MTMR14: variants seen among roughly 807,000 people sequenced by gnomAD.
MTMR14 encodes phosphatidylinositol-3,5-bisphosphate 3-phosphatase MTMR14.
Under a neutral mutation model 86.3 loss-of-function variants are expected in MTMR14, and 48 were observed. The ratio of observed to expected loss-of-function variants is 0.56; its 90% confidence interval spans 0.44 to 0.71. The LOEUF is 0.71. Among genes scored for constraint, MTMR14 ranks in the 30% least tolerant of loss-of-function variants. The probability of loss-of-function intolerance (pLI) is 0.00; values close to 1 mark genes in which losing one functional copy is unlikely to be tolerated. For missense variants in MTMR14, 780 were observed against 834.6 expected (o/e 0.93, Z 0.81); for synonymous variants, 366 against 326.1 (o/e 1.12, Z -1.32).
chr3:9,675,611 C>G (rs896611893), intron 7 of MTMR14: 1 of 457,422 alleles, frequency 2.2e-6, no homozygotes, highest in African/African-American at 2.0e-5. Flanking sequence ...GTGAATGGCA[C>G]TTCTCATCCT....
chr3:9,690,023 A>G lies in MTMR14; in HGVS notation c.1493A>G (p.Glu498Gly). 6.2e-7 allele frequency: 1 copy of G among 1,612,496 alleles called. No homozygotes were observed. The highest frequency in any genetic ancestry group is 1.1e-5 in the South Asian group (1 of 90,910). ...CTCTGGAACCGGCCACAACCCTCAG[A>G]GGACCGCTTGCCTTCCCAGCAGGGG... ...SVLWNRPQPS[E>G]DRLPSQQGLA... is the part of the protein sequence containing the mutation. The change falls in exon 17 of 19, where the codon GAG becomes GGG. Residue 498 changes from glutamate to glycine, a missense_variant. Glu to Gly is a moderately conservative substitution (Grantham distance 98, BLOSUM62 -2). Coordinates refer to ENST00000296003, the MANE Select transcript of MTMR14 (RefSeq NM_001077525.3).
intron 18 of MTMR14, chr3:9,699,522 T>A (rs149769937): frequency 6.6e-6 from 1 of 152,226 alleles, no homozygotes; most frequent in Non-Finnish European, 1.5e-5. Context: ...GGCTTTGTTA[T>A]CAGAAAAACT....
At chr3:9,686,127 G>A (rs566985094) in intron 13 of MTMR14, among the ~76,000 whole-genome samples, 7 of 152,022 alleles carry the variant, frequency 4.6e-5, no homozygotes, top group East Asian at 3.9e-4. Context: ...TTGTTCCTCC[G>A]TCTCAGCTGC....
At chr3:9,690,469 T>G (rs2076104515) in intron 17 of MTMR14, among the ~76,000 whole-genome samples, 1 of 152,222 alleles carries the variant, frequency 6.6e-6, no homozygotes, top group African/African-American at 2.4e-5. Context: ...CCATTGTGAT[T>G]GAAGAGATAG....
At chr3:9,687,344 A>C (rs773684208) in intron 13 of MTMR14, among the ~76,000 whole-genome samples, 1 of 152,078 alleles carries the variant, frequency 6.6e-6, no homozygotes, top group South Asian at 2.1e-4. Context: ...TCATGAGGTC[A>C]GGATATTGAG....
rs190452491 is a variant in MTMR14, at chr3:9,654,788, C to T, written c.308+1019C>T. Reference sequence around the variant, plus strand: ...CTTGTTAGAAACGCAGAAGCTCATGCTCCAGAGCCACTGAGCCAGAATCAC... The same window carrying T: ...CTTGTTAGAAACGCAGAAGCTCATGTTCCAGAGCCACTGAGCCAGAATCAC... On this transcript the variant is annotated intron_variant, in intron 2 of 18. Coordinates refer to ENST00000296003, the MANE Select transcript of MTMR14 (RefSeq NM_001077525.3). 2.1e-3 allele frequency among the ~76,000 whole-genome samples: 315 copies of T among 152,374 alleles called. 1 individual carries two copies. Among genetic ancestry groups the T allele is most frequent in the Non-Finnish European group, 3.3e-3 (226 of 68,034 alleles).
chr3:9,676,736 G>A (rs534353334), intron 7 of MTMR14, among the ~76,000 whole-genome samples: 2 of 152,312 alleles, frequency 1.3e-5, no homozygotes, highest in African/African-American at 2.4e-5. Context: ...AGTTACTTAT[G>A]ATTTTTCCAC....
intron 2 of MTMR14, among the ~76,000 whole-genome samples, chr3:9,657,798 C>T (rs1407461767): frequency 1.3e-5 from 2 of 152,166 alleles, no homozygotes; most frequent in Non-Finnish European, 2.9e-5. Context: ...ATCCACTGGT[C>T]TCGGCCTCCC....
intron 2 of MTMR14, among the ~76,000 whole-genome samples, chr3:9,654,514 T>C (rs1462000501): frequency 1.3e-5 from 2 of 152,196 alleles, no homozygotes; most frequent in Non-Finnish European, 2.9e-5. Context: ...GTAAATGGTA[T>C]AGTTATTTGA....
chr3:9,668,869 A>G (rs1339628820), intron 4 of MTMR14, 75 bp downstream of exon 4: 7 of 1,472,314 alleles, frequency 4.8e-6, no homozygotes, highest in Non-Finnish European at 5.7e-6. Context: ...GCCGGGCGCC[A>G]TGCCTCACGC....
At chr3:9,654,291 C>T (rs979355521) in intron 2 of MTMR14, among the ~76,000 whole-genome samples, 1 of 152,118 alleles carries the variant, frequency 6.6e-6, no homozygotes, top group Non-Finnish European at 1.5e-5. Context: ...TTAATTAGTC[C>T]TTTTAAGGAC....
intron 9 of MTMR14, 69 bp downstream of exon 9, chr3:9,678,127 G>T (rs2075644160): frequency 1.3e-6 from 2 of 1,491,776 alleles, no homozygotes; most frequent in Admixed American, 3.4e-5. Flanking sequence ...CTTGATGCCT[G>T]CCCCACAAGG....
chr3:9,689,882 T>C, intron 16 of MTMR14, 82 bp from the exon 17 acceptor site: 1 of 1,378,038 alleles, frequency 7.3e-7, no homozygotes, highest in Non-Finnish European at 1.0e-6. Context: ...AAGTAAAGCC[T>C]AGGCCTGAAA....
rs1346605201 is a variant in MTMR14, at chr3:9,701,923, C to G, written c.1903C>G (p.Gln635Glu). The G allele has an allele frequency of 2.5e-6, 4 of 1,614,212 alleles. No homozygotes were observed. Among genetic ancestry groups the G allele is most frequent in the Non-Finnish European group, 3.4e-6 (4 of 1,180,044 alleles). ...PSGAIGGLLE[Q>E]FARGVGLRSI... ...CGGTGCCATCGGGGGCCTGCTGGAG[C>G]AATTTGCCCGTGGTGTTGGACTCCG... The change falls in exon 19 of 19, where the codon CAA (glutamine) becomes GAA (glutamate). Residue 635 changes from glutamine (Q) to glutamate (E), a missense_variant. Transcript: ENST00000296003. The surrounding 1 kb of genome is among the most constrained non-coding windows in gnomAD (Gnocchi z 4.2).
Position 9,688,996 on chromosome 3 carries a change from C to A in MTMR14, c.1347C>A (p.Val449=), listed in dbSNP as rs768901584. The A allele has an allele frequency of 6.2e-7, 1 of 1,613,986 alleles. No individual in the cohort carries two copies. Among genetic ancestry groups the A allele is most frequent in the Non-Finnish European group, 8.5e-7 (1 of 1,180,014 alleles). ...TTSLGSDFSL[V]MESSPGATGS... ...GCCTTGGCAGCGACTTCTCCCTGGT[C>A]ATGGAGAGTTCCCCAGGAGCCACTG... The change falls in exon 16 of 19, where the codon GTC becomes GTA. Residue 449 remains valine, a synonymous_variant. Coordinates refer to ENST00000296003, the MANE Select transcript of MTMR14 (RefSeq NM_001077525.3).
In MTMR14 at chr3:9,701,951, G is replaced by T. The variant is rs1264243068; in HGVS notation, c.1931G>T (p.Ser644Ile). Residue 644 changes from serine to isoleucine, a missense_variant, in exon 19 of 19, where the codon AGC becomes ATC. Transcript: ENST00000296003. The surrounding 1 kb of genome is among the most constrained non-coding windows in gnomAD (Gnocchi z 4.2). The part of the protein sequence containing the change: ...EQFARGVGLR[S>I]ISSNAL ...TTTGCCCGTGGTGTTGGACTCCGGA[G>T]CATCAGCAGCAATGCCTTGTGAAGA... The T allele has an allele frequency of 1.9e-6, 3 of 1,614,186 alleles. No homozygotes were observed. Among genetic ancestry groups the T allele is most frequent in the Non-Finnish European group, 2.5e-6 (3 of 1,180,042 alleles).
intron 2 of MTMR14, among the ~76,000 whole-genome samples, chr3:9,661,416 C>G (rs183743786): frequency 1.3e-5 from 2 of 152,198 alleles, no homozygotes; most frequent in Non-Finnish European, 2.9e-5. Context: ...CACTGATGAT[C>G]TGACAGGAGG....
chr3:9,680,168 C>T (rs1383189931), intron 9 of MTMR14, among the ~76,000 whole-genome samples: 1 of 152,164 alleles, frequency 6.6e-6, no homozygotes, highest in Non-Finnish European at 1.5e-5. Flanking sequence ...GGCCATGGCC[C>T]ACCATTTACC....
intron 4 of MTMR14, among the ~76,000 whole-genome samples, 191 bp downstream of exon 4, chr3:9,668,985 C>G (rs2048416159): frequency 6.6e-6 from 1 of 151,694 alleles, no homozygotes; most frequent in African/African-American, 2.4e-5. Flanking sequence ...TAAAAAATAC[C>G]AAAAATTTGC....
Sources: gnomAD v4.1 joint callset for allele counts (sites outside exome capture counted in the v4.1 genomes callset) on GRCh38, gnomAD v4.1.1 for gene constraint, Gnocchi (gnomAD v3.1) non-coding constraint, MANE v1.5 for transcripts, NCBI Gene and HGNC (gene_info 2026-07-23, HGNC 2026-07-21) for gene names.